The following SAXO1 variants were observed in gnomAD, a reference collection of about 807,000 sequenced individuals.
SAXO1 encodes the protein stabilizer of axonemal microtubules 1.
In SAXO1, 21 loss-of-function variants were observed where a neutral mutation model predicts 17.5. The ratio of observed to expected loss-of-function variants is 1.20; its 90% CI spans 0.85 to 1.72. The LOEUF is 1.72. SAXO1 is among the 40% of genes most tolerant of loss of function. The pLI, the probability that SAXO1 is intolerant of heterozygous loss-of-function variation, is 0.00. For missense variants in SAXO1, 843 were observed against 596.0 expected, an observed-to-expected ratio of 1.41 and a Z score of -4.32; for synonymous variants, 274 against 216.5, an observed-to-expected ratio of 1.27 and a Z score of -2.33.
At chr9:18,953,171 C>G in intron 1 of SAXO1, among the ~76,000 whole-genome samples, 1 of 152,198 alleles carries the variant, frequency 6.6e-6, no homozygotes, top group South Asian at 2.1e-4. Context: ...CACCCACATT[C>G]TAAAAGAAAA....
intron 1 of SAXO1, among the ~76,000 whole-genome samples, chr9:18,951,299 A>G (rs78759771): frequency 0.017 from 2,569 of 152,242 alleles, 77 homozygotes; most frequent in African/African-American, 0.059. Flanking sequence ...CTGAGGTCTC[A>G]CAACAGCCCA....
chr9:18,987,212 G>A (rs1024107254), intron 1 of SAXO1, among the ~76,000 whole-genome samples: 1 of 152,168 alleles, frequency 6.6e-6, no homozygotes, highest in African/African-American at 2.4e-5. Context: ...AATTATCTCA[G>A]CACAGAGAAG....
chr9:19,010,236 G>A (rs572788349), intron 1 of SAXO1, among the ~76,000 whole-genome samples: 1 of 152,104 alleles, frequency 6.6e-6, no homozygotes, highest in Non-Finnish European at 1.5e-5. Flanking sequence ...CCCTTCCCAG[G>A]ACGTTCTAAA....
At chr9:19,036,997 C>A (rs112832832), upstream of SAXO1, among the ~76,000 whole-genome samples, 2,919 of 152,284 alleles carry the variant, frequency 0.019, 89 homozygotes, top group African/African-American at 0.066. Flanking sequence ...CTTGCTTCAG[C>A]GTGACCTGGA....
At chr9:18,989,556 GCACACA>G (rs56265752) in intron 1 of SAXO1, among the ~76,000 whole-genome samples, 1 of 149,192 alleles carries the variant, frequency 6.7e-6, no homozygotes. Context: ...TAGCCATTAT[GCACACA>G]CACACACACA....
intron 1 of SAXO1, among the ~76,000 whole-genome samples, chr9:18,987,370 C>G (rs942279529): frequency 1.3e-5 from 2 of 152,114 alleles, no homozygotes; most frequent in African/African-American, 2.4e-5. Context: ...ACAAAGGGAG[C>G]CTTCGATTTT....
At chr9:19,013,735 C>T (rs10757019) in intron 1 of SAXO1, among the ~76,000 whole-genome samples, 71,910 of 151,344 alleles carry the variant, frequency 0.48, 18,042 homozygotes, top group Non-Finnish European at 0.56. Flanking sequence ...TTAGTGGAAA[C>T]GGGTTTTCAC....
intron 1 of SAXO1, among the ~76,000 whole-genome samples, chr9:18,967,284 A>T (rs2148846): frequency 0.55 from 83,918 of 152,086 alleles, 26,818 homozygotes; most frequent in Non-Finnish European, 0.72. Context: ...GTCCTGGGAG[A>T]TCTGCTGCTC....
intron 1 of SAXO1, among the ~76,000 whole-genome samples, chr9:19,016,978 G>T (rs560348501): frequency 1.3e-4 from 19 of 151,938 alleles, no homozygotes; most frequent in African/African-American, 3.9e-4. Flanking sequence ...TGTGACCAAG[G>T]CCTGGTCAAT....
chr9:18,933,108 A>T (rs1036617683), intron 3 of SAXO1, among the ~76,000 whole-genome samples: 5 of 152,236 alleles, frequency 3.3e-5, no homozygotes, highest in African/African-American at 7.2e-5. Flanking sequence ...CTTGTTCTCA[A>T]TCTTAGGGGG....
At chr9:18,963,794 G>C (rs949905471) in intron 1 of SAXO1, among the ~76,000 whole-genome samples, 1 of 152,092 alleles carries the variant, frequency 6.6e-6, no homozygotes, top group African/African-American at 2.4e-5. Flanking sequence ...TCTTTCTCTT[G>C]CCTGATTGCC....
chr9:18,984,346 T>C (rs1194041104), intron 1 of SAXO1, among the ~76,000 whole-genome samples: 2 of 152,222 alleles, frequency 1.3e-5, no homozygotes, highest in African/African-American at 4.8e-5. Flanking sequence ...GTCTGAAACT[T>C]TGAAGCCAGG....
chr9:18,931,593 G>A (rs1831053529), intron 3 of SAXO1, among the ~76,000 whole-genome samples: 1 of 152,186 alleles, frequency 6.6e-6, no homozygotes, highest in African/African-American at 2.4e-5. Context: ...ACTGCCAAAT[G>A]TTCTCAAAGT....
At chr9:18,950,451 C>G (rs1287679941) in intron 2 of SAXO1, among the ~76,000 whole-genome samples, 1 of 152,144 alleles carries the variant, frequency 6.6e-6, no homozygotes, top group South Asian at 2.1e-4. Context: ...CCCACTCTTT[C>G]CATCCCTTAA....
At chr9:19,041,161 G>GAA (rs35085745) in intron 1 of SAXO1, among the ~76,000 whole-genome samples, 1,684 of 72,970 alleles carry the variant, frequency 0.023, 65 homozygotes, top group African/African-American at 0.069. Flanking sequence ...TGAACAATCT[G>GAA]AAAAAAAAAA....
chr9:18,961,454 C>T (rs1563945754), intron 1 of SAXO1, among the ~76,000 whole-genome samples: 1 of 152,182 alleles, frequency 6.6e-6, no homozygotes, highest in Non-Finnish European at 1.5e-5. Context: ...CCATCATCTA[C>T]GTTAGGTATT....
intron 1 of SAXO1, among the ~76,000 whole-genome samples, chr9:18,987,983 A>G (rs1833664142): frequency 6.6e-6 from 1 of 151,978 alleles, no homozygotes; most frequent in South Asian, 2.1e-4. Flanking sequence ...TTCTATGAGC[A>G]CTCCACGTTT....
At chr9:18,958,810 G>A (rs1425329101) in intron 1 of SAXO1, among the ~76,000 whole-genome samples, 1 of 152,066 alleles carries the variant, frequency 6.6e-6, no homozygotes, top group Non-Finnish European at 1.5e-5. Context: ...TCATACGTTT[G>A]GAAGACATCT....
chr9:19,014,418 G>A lies in SAXO1; in HGVS notation c.38+18453C>T, dbSNP rs144555530. On this transcript the variant is annotated intron_variant, in intron 1 of 3. Transcript: ENST00000380534. ...CAAGGTTGCAGTTAGCTGAGATCAC[G>A]CCACTGCACTCCAGCCTGGGCAACA... 8.8e-3 allele frequency among the ~76,000 whole-genome samples: 1,237 copies of A among 140,264 alleles called. 21 individuals are homozygous for A. Among genetic ancestry groups the A allele is most frequent in the African/African-American group, 0.031 (1,180 of 37,714 alleles). 92.0% of individuals were successfully genotyped at this position (140,264 alleles called of 152,430 possible). A position where few individuals can be genotyped will look rare whatever the true frequency, so the allele number is the denominator to read the frequency against.
Sources: gnomAD v4.1 joint callset for allele counts (sites outside exome capture counted in the v4.1 genomes callset) on GRCh38, gnomAD v4.1.1 for gene constraint, MANE v1.5 for transcripts, NCBI Gene and HGNC (gene_info 2026-07-23, HGNC 2026-07-21) for gene names.